Variants in CEP128 observed in about 807,000 individuals in gnomAD.
CEP128 encodes centrosomal protein 128, also known as centrosomal protein 128kDa.
In CEP128, 132 loss-of-function variants were observed where a neutral mutation model predicts 156.7. That is an observed-to-expected ratio of 0.84 (90% CI 0.73 to 0.97). The LOEUF is 0.97. Among genes scored for constraint, CEP128 ranks in the 50% least tolerant of loss-of-function variants. The probability of loss-of-function intolerance (pLI) is 0.00; values close to 1 mark genes in which losing one functional copy is unlikely to be tolerated. For missense variants in CEP128, 1,252 were observed against 1,281.9 expected, an observed-to-expected ratio of 0.98 and a Z score of 0.36; for synonymous variants, 469 against 448.9, an observed-to-expected ratio of 1.04 and a Z score of -0.57.
At chr14:80,600,780 C>T (rs774417782) in intron 19 of CEP128, among the ~76,000 whole-genome samples, 3 of 151,974 alleles carry the variant, frequency 2.0e-5, no homozygotes, top group Non-Finnish European at 4.4e-5. Flanking sequence ...ACCTGATTTA[C>T]AAGCCAACTA....
intron 8 of CEP128, among the ~76,000 whole-genome samples, chr14:80,888,156 A>C (rs1429700728): frequency 6.6e-6 from 1 of 152,180 alleles, no homozygotes; most frequent in Non-Finnish European, 1.5e-5. Context: ...CAACCAAAAA[A>C]AGCCCAGGAC....
rs1213523844 is a variant in CEP128 at position 80,792,982 on chromosome 14, C to T, written c.1338G>A (p.Glu446=). The T allele has an allele frequency of 1.2e-6, 2 of 1,614,172 alleles. No homozygotes were observed. The highest frequency in any genetic ancestry group is 1.7e-6 in the Non-Finnish European group (2 of 1,180,032). ...ERKHADLQIS[E]LTRHAEDATK... is the part of the protein sequence containing the mutation. ...TTGCATCCTCCGCATGGCGAGTCAG[C>T]TCTGAGATCTGAAGGTCAGCATGCT... The change falls in exon 14 of 25, where the codon GAG becomes GAA. Residue 446 remains glutamate, a synonymous_variant. Transcript: ENST00000555265.
chr14:80,900,164 C>G (rs777277907), intron 6 of CEP128, 135 bp from the exon 7 acceptor site: 11 of 566,398 alleles, frequency 1.9e-5, no homozygotes, highest in Non-Finnish European at 3.0e-5. Flanking sequence ...AAAGAAAACA[C>G]CTACTCTGAA....
intron 19 of CEP128, among the ~76,000 whole-genome samples, chr14:80,644,020 C>A (rs909847898): frequency 7.2e-5 from 11 of 152,108 alleles, no homozygotes; most frequent in African/African-American, 2.7e-4. Flanking sequence ...GAGATTTAGA[C>A]GCAAAGACAC....
chr14:80,835,861 A>G (rs1886044788), intron 12 of CEP128, among the ~76,000 whole-genome samples: 1 of 152,202 alleles, frequency 6.6e-6, no homozygotes, highest in East Asian at 1.9e-4. Flanking sequence ...AACATTTACA[A>G]TTTAAGTACA....
At chr14:80,806,802 T>A (rs1354850769) in intron 13 of CEP128, among the ~76,000 whole-genome samples, 3 of 151,952 alleles carry the variant, frequency 2.0e-5, no homozygotes, top group African/African-American at 7.3e-5. Flanking sequence ...CAGATCAATT[T>A]AAAAAAAAAG....
chr14:80,629,442 T>A (rs1276643514), intron 19 of CEP128, among the ~76,000 whole-genome samples: 1 of 152,042 alleles, frequency 6.6e-6, no homozygotes, highest in Non-Finnish European at 1.5e-5. Flanking sequence ...GGTATGAAAA[T>A]GACAAAAAGT....
At chr14:80,839,533 G>C (rs896521327) in intron 10 of CEP128, among the ~76,000 whole-genome samples, 2 of 151,874 alleles carry the variant, frequency 1.3e-5, no homozygotes, top group Non-Finnish European at 2.9e-5. Context: ...AAATACAAAT[G>C]AGTTATATAT....
intron 19 of CEP128, among the ~76,000 whole-genome samples, chr14:80,601,339 C>T (rs148533290): frequency 4.5e-4 from 69 of 152,182 alleles, no homozygotes; most frequent in African/African-American, 1.6e-3. Context: ...TTGCAAACAT[C>T]GTAGAACAGG....
intron 19 of CEP128, among the ~76,000 whole-genome samples, chr14:80,731,214 G>A (rs1898255608): frequency 6.6e-6 from 1 of 152,152 alleles, no homozygotes; most frequent in East Asian, 1.9e-4. Flanking sequence ...ACAGAGTATT[G>A]CTGGTTTATT....
intron 23 of CEP128, among the ~76,000 whole-genome samples, chr14:80,510,808 G>GTT (rs570009355): frequency 2.0e-5 from 3 of 147,572 alleles, no homozygotes; most frequent in Admixed American, 1.4e-4. Flanking sequence ...TTTTTGAGGG[G>GTT]TTTTTTTTTT....
chr14:80,528,429 C>T (rs988781623), intron 22 of CEP128, among the ~76,000 whole-genome samples: 5 of 152,232 alleles, frequency 3.3e-5, no homozygotes, highest in African/African-American at 1.2e-4. Context: ...TCTGGGATTA[C>T]AGGCATGTGC....
intron 13 of CEP128, among the ~76,000 whole-genome samples, chr14:80,813,703 C>T (rs1433196791): frequency 6.6e-6 from 1 of 152,102 alleles, no homozygotes; most frequent in Non-Finnish European, 1.5e-5. Flanking sequence ...ACACAATACA[C>T]ACTTTCCAAA....
chr14:80,511,143 C>A (rs1414651433), intron 23 of CEP128, among the ~76,000 whole-genome samples: 1 of 149,934 alleles, frequency 6.7e-6, no homozygotes. Flanking sequence ...TGGGAGTATT[C>A]CCTCCTCCTC....
intron 12 of CEP128, among the ~76,000 whole-genome samples, chr14:80,833,442 A>T (rs985957318): frequency 1.3e-5 from 2 of 151,914 alleles, no homozygotes; most frequent in Non-Finnish European, 2.9e-5. Context: ...ATGTAATGAA[A>T]CATTTCCCAA....
chr14:80,955,816 C>G (rs1276734165), intron 2 of CEP128: 1 of 1,614,224 alleles, frequency 6.2e-7, no homozygotes, highest in Non-Finnish European at 8.5e-7. Flanking sequence ...GGATATTCAA[C>G]GCATCCCCAG....
chr14:80,623,710 T>C (rs1008157605), intron 19 of CEP128, among the ~76,000 whole-genome samples: 2 of 152,148 alleles, frequency 1.3e-5, no homozygotes, highest in Non-Finnish European at 1.5e-5. Flanking sequence ...ACTTAAAAGC[T>C]TGATACTCTA....
intron 19 of CEP128, among the ~76,000 whole-genome samples, chr14:80,609,088 C>G (rs1490283412): frequency 2.0e-5 from 3 of 152,138 alleles, no homozygotes; most frequent in Non-Finnish European, 4.4e-5. Flanking sequence ...TAGAGACATA[C>G]TAATGATACT....
intron 19 of CEP128, among the ~76,000 whole-genome samples, chr14:80,740,225 G>A (rs10139720): frequency 0.065 from 9,906 of 151,770 alleles, 1,078 homozygotes; most frequent in African/African-American, 0.23. Flanking sequence ...TGTGCACCAC[G>A]CTCTTTCTAG....
Sources: gnomAD v4.1 joint callset for allele counts (sites outside exome capture counted in the v4.1 genomes callset) on GRCh38, gnomAD v4.1.1 for gene constraint, MANE v1.5 for transcripts, NCBI Gene and HGNC (gene_info 2026-07-23, HGNC 2026-07-21) for gene names.